The following LRP1B variants were observed in gnomAD, a reference collection of about 807,000 sequenced individuals.
LRP1B encodes low-density lipoprotein receptor-related protein 1B.
In LRP1B, 217 loss-of-function variants were observed where a neutral mutation model predicts 556.6. The observed-to-expected ratio is 0.39, with a 90% CI of 0.35 to 0.44. The LOEUF is 0.44. Ranked by LOEUF, LRP1B falls within the 20% of genes least tolerant of loss-of-function variation. The pLI, the probability that LRP1B is intolerant of heterozygous loss-of-function variation, is 1.00. For synonymous variants in LRP1B, 2,047 were observed against 1,865.8 expected (o/e 1.10, Z -2.50); for missense variants, 5,053 against 5,620.8 (o/e 0.90, Z 3.23).
intron 43 of LRP1B, among the ~76,000 whole-genome samples, chr2:140,588,505 G>A (rs1682077777): frequency 6.6e-6 from 1 of 152,128 alleles, no homozygotes; most frequent in Non-Finnish European, 1.5e-5. Flanking sequence ...TATGCAAAAT[G>A]GCAAAGAAAA....
intron 1 of LRP1B, among the ~76,000 whole-genome samples, chr2:141,914,882 C>T (rs966976840): frequency 1.3e-5 from 2 of 152,114 alleles, no homozygotes; most frequent in African/African-American, 2.4e-5. Context: ...ACATTTTATT[C>T]TCATGAATTG....
At chr2:142,091,517 A>T (rs1214908649) in intron 1 of LRP1B, among the ~76,000 whole-genome samples, 2 of 152,188 alleles carry the variant, frequency 1.3e-5, no homozygotes, top group Admixed American at 1.3e-4. Flanking sequence ...TTATGGAAAG[A>T]ACATTTGGAT....
At chr2:141,356,281 C>A (rs1167655153) in intron 3 of LRP1B, among the ~76,000 whole-genome samples, 2 of 152,134 alleles carry the variant, frequency 1.3e-5, no homozygotes, top group Non-Finnish European at 2.9e-5. Context: ...TCAGTGGCAG[C>A]AATGATAATG....
chr2:140,996,892 C>A (rs11683012), intron 15 of LRP1B, among the ~76,000 whole-genome samples: 2 of 151,748 alleles, frequency 1.3e-5, no homozygotes, highest in African/African-American at 4.8e-5. Flanking sequence ...ATATATTATT[C>A]TGTTCCAGTG....
At chr2:141,685,805 G>C (rs1197659867) in intron 2 of LRP1B, among the ~76,000 whole-genome samples, 1 of 151,926 alleles carries the variant, frequency 6.6e-6, no homozygotes, top group East Asian at 1.9e-4. Flanking sequence ...TTAGCAGGCT[G>C]ATTTCAGTCC....
intron 20 of LRP1B, among the ~76,000 whole-genome samples, chr2:140,936,444 CA>C (rs1695214548): frequency 1.3e-5 from 2 of 151,126 alleles, no homozygotes; most frequent in African/African-American, 4.9e-5. Context: ...AACTGCCCTT[CA>C]AAATTGAAGG....
intron 27 of LRP1B, among the ~76,000 whole-genome samples, chr2:140,860,943 G>T (rs959039105): frequency 2.6e-5 from 4 of 152,050 alleles, no homozygotes; most frequent in African/African-American, 9.6e-5. Context: ...AGAGTTTGGC[G>T]GCAATGTGTA....
chr2:140,702,688 A>T lies in LRP1B; in HGVS notation c.6024-135T>A, dbSNP rs887735114. The T allele has an allele frequency of 7.8e-6, 6 of 771,130 alleles. No homozygotes were observed. The East Asian group carries it at 8.2e-5, about 11-fold the overall frequency. The allele number at this position is 771,130 out of a possible 1,614,324, so 47.8% of individuals were successfully genotyped here. On this transcript the variant is annotated intron_variant, in intron 37 of 90. Transcript: ENST00000389484. ...AATAATACATTTCGGAAGTTAATAT[A>T]CAGTGTGCTTATGGTTCCGATAAAA...
intron 3 of LRP1B, among the ~76,000 whole-genome samples, chr2:141,404,735 C>T (rs1024816590): frequency 1.3e-5 from 2 of 152,080 alleles, no homozygotes; most frequent in Non-Finnish European, 2.9e-5. Flanking sequence ...CCATAGCAAG[C>T]TTTTTAGGAT....
intron 83 of LRP1B, among the ~76,000 whole-genome samples, chr2:140,302,345 G>T (rs1683870631): frequency 6.6e-6 from 1 of 152,062 alleles, no homozygotes; most frequent in African/African-American, 2.4e-5. Flanking sequence ...TGGACAGTTG[G>T]TAAGTTCATC....
intron 2 of LRP1B, among the ~76,000 whole-genome samples, chr2:141,803,383 C>A (rs577264892): frequency 1.3e-5 from 2 of 151,748 alleles, no homozygotes; most frequent in Admixed American, 6.6e-5. Context: ...ACCTTCCTAT[C>A]CCCCCTGCAT....
intron 31 of LRP1B, among the ~76,000 whole-genome samples, chr2:140,827,927 A>G (rs538648173): frequency 6.6e-6 from 1 of 152,206 alleles, no homozygotes; most frequent in East Asian, 1.9e-4. Flanking sequence ...TAGACTTCTC[A>G]ATGGAAACCA....
At chr2:141,936,988 ATGT>A (rs1167704768) in intron 1 of LRP1B, among the ~76,000 whole-genome samples, 1 of 152,078 alleles carries the variant, frequency 6.6e-6, no homozygotes, top group African/African-American at 2.4e-5. Context: ...ATTCTGAACA[ATGT>A]TGTAACCATT....
At chr2:141,156,755 A>G (rs912816244) in intron 7 of LRP1B, among the ~76,000 whole-genome samples, 2 of 152,174 alleles carry the variant, frequency 1.3e-5, no homozygotes, top group Non-Finnish European at 2.9e-5. Flanking sequence ...AGGAAACCCA[A>G]TGGCATATGT....
At chr2:141,100,246 C>T (rs72851295) in intron 7 of LRP1B, among the ~76,000 whole-genome samples, 35,003 of 152,100 alleles carry the variant, frequency 0.23, 4,629 homozygotes, top group East Asian at 0.51. Context: ...AAGCACAGTG[C>T]CTAGCACATT....
At chr2:141,700,801 A>G (rs765633201) in intron 2 of LRP1B, among the ~76,000 whole-genome samples, 55 of 151,804 alleles carry the variant, frequency 3.6e-4, no homozygotes, top group Non-Finnish European at 6.8e-4. Context: ...GAAATTTCTC[A>G]GGGAATTAGA....
chr2:141,718,251 C>T (rs1250938883), intron 2 of LRP1B, among the ~76,000 whole-genome samples: 1 of 152,144 alleles, frequency 6.6e-6, no homozygotes, highest in Non-Finnish European at 1.5e-5. Flanking sequence ...CTCCCTCGAC[C>T]TCAGACTGAT....
intron 2 of LRP1B, among the ~76,000 whole-genome samples, chr2:141,639,375 TAC>T (rs1440460019): frequency 4.0e-5 from 4 of 100,440 alleles, no homozygotes; most frequent in East Asian, 6.2e-4. Flanking sequence ...TATATATATA[TAC>T]ACATATATAT....
intron 66 of LRP1B, among the ~76,000 whole-genome samples, chr2:140,411,958 T>G (rs1684985337): frequency 6.6e-6 from 1 of 152,134 alleles, no homozygotes; most frequent in Admixed American, 6.6e-5. Context: ...CACAAATCTT[T>G]TACAATTTCT....
Sources: gnomAD v4.1 joint callset for allele counts (sites outside exome capture counted in the v4.1 genomes callset) on GRCh38, gnomAD v4.1.1 for gene constraint, MANE v1.5 for transcripts, NCBI Gene and HGNC (gene_info 2026-07-23, HGNC 2026-07-21) for gene names.